The following MYO1B variants were observed in gnomAD, a reference collection of about 807,000 sequenced individuals.
MYO1B encodes the protein unconventional myosin-Ib.
MYO1B carries 72 observed loss-of-function variants against 159.7 expected under a neutral mutation model. That is an observed-to-expected ratio of 0.45 (90% CI 0.37 to 0.55). The LOEUF is 0.55. Ranked by LOEUF, MYO1B falls within the 20% of genes least tolerant of loss-of-function variation. The pLI, the probability that MYO1B is intolerant of heterozygous loss-of-function variation, is 0.00. For synonymous variants in MYO1B, 468 were observed against 473.8 expected (o/e 0.99, Z 0.16); for missense variants, 1,062 against 1,364.8 (o/e 0.78, Z 3.50).
chr2:191,264,858 T>C (rs1199711707), intron 1 of MYO1B, among the ~76,000 whole-genome samples: 2 of 151,720 alleles, frequency 1.3e-5, no homozygotes, highest in African/African-American at 4.8e-5. Context: ...TTTTTTTTGT[T>C]GAATCAACAG....
intron 24 of MYO1B, among the ~76,000 whole-genome samples, chr2:191,404,241 G>A (rs1035119485): frequency 6.6e-6 from 1 of 152,062 alleles, no homozygotes; most frequent in Non-Finnish European, 1.5e-5. Flanking sequence ...AGTTCCCCAG[G>A]GGGCACCATC....
chr2:191,314,192 A>G (rs1219378292), intron 3 of MYO1B, among the ~76,000 whole-genome samples: 1 of 152,188 alleles, frequency 6.6e-6, no homozygotes, highest in Non-Finnish European at 1.5e-5. Context: ...TTTCCAGTTT[A>G]ATTTTATTTG....
intron 4 of MYO1B, among the ~76,000 whole-genome samples, chr2:191,341,015 T>C (rs2125950309): frequency 6.6e-6 from 1 of 152,330 alleles, no homozygotes; most frequent in Admixed American, 6.5e-5. Context: ...GGAGCCACTG[T>C]GCCTGGCCGA....
At chr2:191,348,627 G>A (rs961788542) in intron 6 of MYO1B, among the ~76,000 whole-genome samples, 2 of 151,934 alleles carry the variant, frequency 1.3e-5, no homozygotes, top group African/African-American at 2.4e-5. Context: ...TCCAACCTGG[G>A]CCTGTTCCTG....
intron 3 of MYO1B, among the ~76,000 whole-genome samples, chr2:191,308,390 A>G (rs1689782929): frequency 6.6e-6 from 1 of 152,168 alleles, no homozygotes; most frequent in Non-Finnish European, 1.5e-5. Context: ...TTATTGTTGG[A>G]GTTTCTGTAT....
chr2:191,350,106 C>A, intron 6 of MYO1B, 56 bp from the exon 7 acceptor site: 2 of 1,401,070 alleles, frequency 1.4e-6, no homozygotes, highest in Non-Finnish European at 2.0e-6. Context: ...CTAAGAAGTA[C>A]ACTGAGTTAA....
At chr2:191,255,030 T>G (rs1330235922) in intron 1 of MYO1B, among the ~76,000 whole-genome samples, 1 of 152,058 alleles carries the variant, frequency 6.6e-6, no homozygotes, top group Non-Finnish European at 1.5e-5. Flanking sequence ...TGGGCACAAG[T>G]GATCCTCCTG....
intron 11 of MYO1B, among the ~76,000 whole-genome samples, chr2:191,365,909 C>T (rs917702405): frequency 1.3e-5 from 2 of 152,164 alleles, no homozygotes; most frequent in Non-Finnish European, 2.9e-5. Flanking sequence ...TAAACTTGAA[C>T]GTGCATCAAA....
At chr2:191,293,234 A>C (rs1256248827) in intron 2 of MYO1B, among the ~76,000 whole-genome samples, 3 of 152,212 alleles carry the variant, frequency 2.0e-5, no homozygotes, top group Non-Finnish European at 4.4e-5. Flanking sequence ...AAAAAACTCT[A>C]TCTTTAAAGT....
At chr2:191,415,933 T>C (rs1308057399) in intron 29 of MYO1B, among the ~76,000 whole-genome samples, 182 bp from the exon 30 acceptor site, 2 of 152,332 alleles carry the variant, frequency 1.3e-5, no homozygotes, top group Middle Eastern at 3.4e-3. Context: ...TAGGTAACCT[T>C]ACTAAAGTGC....
intron 25 of MYO1B, among the ~76,000 whole-genome samples, chr2:191,408,813 T>A (rs1008776355): frequency 1.5e-4 from 23 of 152,242 alleles, no homozygotes; most frequent in Admixed American, 1.4e-3. Flanking sequence ...AGTGTTAATA[T>A]GAGTGTTAGC....
rs1374704723 is a variant in MYO1B at position 191,392,091 on chromosome 2, T to C, written c.1983-17T>C. ...TGTAACTCAGAAAACTCACTGTTTT[T>C]ATTTTTATTTTTTTAGGTCTGGTGT... On this transcript the variant is annotated splice_polypyrimidine_tract_variant and intron_variant, in intron 18 of 30. Transcript: ENST00000392318. 6.3e-7 allele frequency: 1 copy of C among 1,575,344 alleles called. No homozygotes were observed. The highest frequency in any genetic ancestry group is 1.4e-5 in the African/African-American group (1 of 74,022).
intron 15 of MYO1B, among the ~76,000 whole-genome samples, chr2:191,385,498 G>GATAT: frequency 1.3e-5 from 2 of 148,386 alleles, no homozygotes; most frequent in South Asian, 4.6e-4. Flanking sequence ...ACATGTTATA[G>GATAT]AGGCTGTATT....
chr2:191,281,559 C>T (rs1054549042), intron 2 of MYO1B, among the ~76,000 whole-genome samples: 10 of 152,184 alleles, frequency 6.6e-5, no homozygotes, highest in African/African-American at 2.4e-4. Context: ...GGCCTCCCCT[C>T]CCCGGCCCCC....
intron 13 of MYO1B, among the ~76,000 whole-genome samples, chr2:191,374,096 A>G (rs1161148666): frequency 5.9e-5 from 9 of 152,208 alleles, no homozygotes; most frequent in Non-Finnish European, 1.3e-4. Context: ...ATACATTCCC[A>G]GATGCCAGCC....
intron 24 of MYO1B, among the ~76,000 whole-genome samples, chr2:191,407,395 T>A (rs1330477048): frequency 2.6e-5 from 4 of 152,220 alleles, no homozygotes. Context: ...TTAAGATATT[T>A]TTCCTTCAAT....
At chr2:191,254,389 T>A (rs1339626788) in intron 1 of MYO1B, among the ~76,000 whole-genome samples, 1 of 152,062 alleles carries the variant, frequency 6.6e-6, no homozygotes, top group Admixed American at 6.5e-5. Flanking sequence ...AATTTTGTAT[T>A]TTTGGCAGAG....
chr2:191,302,110 T>C (rs1443640773), intron 3 of MYO1B, among the ~76,000 whole-genome samples: 3 of 152,188 alleles, frequency 2.0e-5, no homozygotes, highest in African/African-American at 7.2e-5. Flanking sequence ...ACTGTTAAAA[T>C]CCTGCCAGTC....
chr2:191,261,403 T>C (rs1425873916), intron 1 of MYO1B, among the ~76,000 whole-genome samples: 3 of 152,240 alleles, frequency 2.0e-5, no homozygotes, highest in African/African-American at 7.2e-5. Context: ...GTATCCTCAC[T>C]GATATTATCA....
Sources: gnomAD v4.1 joint callset for allele counts (sites outside exome capture counted in the v4.1 genomes callset) on GRCh38, gnomAD v4.1.1 for gene constraint, MANE v1.5 for transcripts, NCBI Gene and HGNC (gene_info 2026-07-23, HGNC 2026-07-21) for gene names.